Variants in FOCAD observed in about 807,000 individuals in gnomAD.
The protein encoded by FOCAD is KIAA1797.
A neutral mutation model predicts 225.6 loss-of-function variants in FOCAD; 198 were observed. That is an observed-to-expected ratio of 0.88 (90% CI 0.78 to 0.99). The LOEUF (loss-of-function observed/expected upper bound fraction) is 0.99, where lower values mean the gene tolerates loss of function less well. Among genes scored for constraint, FOCAD ranks in the 50% least tolerant of loss-of-function variants. FOCAD has a pLI of 0.00. For synonymous variants in FOCAD, 897 were observed against 755.0 expected, an observed-to-expected ratio of 1.19 and a Z score of -3.08; for missense variants, 2,713 against 2,123.6, an observed-to-expected ratio of 1.28 and a Z score of -5.46.
At chr9:20,688,981 T>G (rs538257459) in intron 1 of FOCAD, among the ~76,000 whole-genome samples, 1 of 152,228 alleles carries the variant, frequency 6.6e-6, no homozygotes, top group South Asian at 2.1e-4. Context: ...TGCAAAGGAG[T>G]TGAAACTATT....
chr9:20,971,546 T>A (rs1018362488), intron 35 of FOCAD, among the ~76,000 whole-genome samples: 1 of 152,020 alleles, frequency 6.6e-6, no homozygotes, highest in Non-Finnish European at 1.5e-5. Context: ...TTCAAGCAAT[T>A]CTCCTGCCCC....
At position 20,756,756 on chromosome 9, in the gene FOCAD, T is replaced by G. The variant is rs568742583; in HGVS notation, c.393-1334T>G. Among the ~76,000 whole-genome samples, 5 of 152,328 alleles carry G rather than the reference T, an allele frequency of 3.3e-5. No individual in the cohort carries two copies. The East Asian group carries it at 9.6e-4, about 29-fold the overall frequency. On this transcript the variant is annotated intron_variant, in intron 5 of 43. Transcript: ENST00000338382. Reference sequence around the variant, plus strand: ...AGGCATCACATTTTGAGAATCACCATGAAGGCAATCTTAAAAAATCATCTG... The same window carrying G: ...AGGCATCACATTTTGAGAATCACCAGGAAGGCAATCTTAAAAAATCATCTG...
At chr9:20,934,262 T>G (rs911378155) in intron 28 of FOCAD, among the ~76,000 whole-genome samples, 3 of 152,198 alleles carry the variant, frequency 2.0e-5, no homozygotes, top group Non-Finnish European at 2.9e-5. Context: ...TTTTTGGTTC[T>G]TCATCATGAA....
intron 2 of FOCAD, among the ~76,000 whole-genome samples, chr9:20,676,157 C>G (rs1271187772): frequency 2.0e-5 from 3 of 152,172 alleles, no homozygotes. Context: ...TGCTGTTCAT[C>G]AGCAGGTAAT....
At chr9:20,929,748 T>C (rs1319351252) in intron 27 of FOCAD, 152 bp downstream of exon 27, 9 of 630,062 alleles carry the variant, frequency 1.4e-5, no homozygotes, top group Non-Finnish European at 2.5e-5. Context: ...TATTCTTCTT[T>C]AGGAGTAAAT....
At chr9:20,659,562 G>C (rs1821648338) in intron 2 of FOCAD, among the ~76,000 whole-genome samples, 1 of 152,122 alleles carries the variant, frequency 6.6e-6, no homozygotes, top group African/African-American at 2.4e-5. Context: ...TGAGAAAGTG[G>C]TCATCTGCAT....
chr9:20,719,850 C>T (rs1157084989), intron 3 of FOCAD, among the ~76,000 whole-genome samples: 13 of 133,860 alleles, frequency 9.7e-5, no homozygotes, highest in African/African-American at 3.7e-4. Context: ...CTACTTCTCT[C>T]TTTATATCTG....
intron 25 of FOCAD, among the ~76,000 whole-genome samples, chr9:20,925,667 A>G (rs1834868448): frequency 6.6e-6 from 1 of 152,232 alleles, no homozygotes; most frequent in Non-Finnish European, 1.5e-5. Context: ...TTTGACATCC[A>G]TGGTCATGAA....
intron 8 of FOCAD, among the ~76,000 whole-genome samples, chr9:20,770,894 A>G (rs1280561691): frequency 6.6e-6 from 1 of 152,234 alleles, no homozygotes; most frequent in Non-Finnish European, 1.5e-5. Context: ...TTCATGCAGA[A>G]CATATAGTAA....
chr9:20,969,181 T>C (rs2132525392), intron 35 of FOCAD, among the ~76,000 whole-genome samples: 1 of 152,284 alleles, frequency 6.6e-6, no homozygotes, highest in African/African-American at 2.4e-5. Flanking sequence ...TGTTTTGTGG[T>C]CTGACATGTG....
intron 2 of FOCAD, among the ~76,000 whole-genome samples, chr9:20,664,862 A>G (rs1821850453): frequency 6.6e-6 from 1 of 152,156 alleles, no homozygotes; most frequent in Admixed American, 6.5e-5. Context: ...TTAAATACAT[A>G]AAGTTTAATG....
intron 35 of FOCAD, among the ~76,000 whole-genome samples, chr9:20,966,421 G>C (rs1477103654): frequency 2.0e-5 from 3 of 151,730 alleles, no homozygotes. Flanking sequence ...GTATATTCTG[G>C]AAAATAGACC....
intron 17 of FOCAD, among the ~76,000 whole-genome samples, chr9:20,866,527 A>C (rs1015835527): frequency 6.6e-6 from 1 of 152,018 alleles, no homozygotes; most frequent in Non-Finnish European, 1.5e-5. Flanking sequence ...GACTTGAGCA[A>C]TTATGAGTTA....
intron 11 of FOCAD, among the ~76,000 whole-genome samples, chr9:20,815,175 C>T (rs1356800108): frequency 8.8e-6 from 1 of 113,580 alleles, no homozygotes; most frequent in Non-Finnish European, 1.8e-5. Context: ...CGCTTTGTCT[C>T]CCAGGCTGGA....
At chr9:20,746,574 GC>G (rs1828054178) in intron 5 of FOCAD, among the ~76,000 whole-genome samples, 1 of 152,136 alleles carries the variant, frequency 6.6e-6, no homozygotes, top group African/African-American at 2.4e-5. Flanking sequence ...TTTGCTCTTT[GC>G]CATGTTTGCA....
upstream of FOCAD, among the ~76,000 whole-genome samples, chr9:20,656,710 A>G (rs1031437175): frequency 1.3e-5 from 2 of 152,016 alleles, no homozygotes; most frequent in African/African-American, 2.4e-5. Context: ...CAGCACACTG[A>G]TGGGTCTTGA....
intron 1 of FOCAD, among the ~76,000 whole-genome samples, chr9:20,689,318 G>A (rs1184604813): frequency 5.3e-5 from 8 of 152,162 alleles, no homozygotes; most frequent in Non-Finnish European, 1.2e-4. Flanking sequence ...CCAGATGACT[G>A]TAGATGACTG....
At position 20,741,388 on chromosome 9, in the gene FOCAD, A is replaced by T. The variant is rs569271013; in HGVS notation, c.392+1048A>T. Among the ~76,000 whole-genome samples the T allele has an allele frequency of 2.6e-5, 4 of 152,284 alleles. No individual in the cohort carries two copies. The South Asian group carries it at 6.2e-4, about 24-fold the overall frequency. On this transcript the variant is annotated intron_variant, in intron 5 of 43. Coordinates refer to ENST00000338382, the MANE Select transcript of FOCAD (RefSeq NM_001375567.1). ...AATGGGATGGTCTGTGTCGTGGTAT[A>T]TCTCATATACCATGATCTTCCGTGT...
intron 15 of FOCAD, among the ~76,000 whole-genome samples, chr9:20,825,865 T>C (rs1824836359): frequency 6.6e-6 from 1 of 152,038 alleles, no homozygotes; most frequent in Non-Finnish European, 1.5e-5. Context: ...AAAGATTGTG[T>C]TTTCAATATG....
Sources: allele counts gnomAD v4.1 joint callset (sites outside exome capture counted in the v4.1 genomes callset), GRCh38; gene constraint gnomAD v4.1.1; transcripts MANE v1.5; gene names NCBI Gene and HGNC (gene_info 2026-07-23, HGNC 2026-07-21).